Variants in SLC44A5 observed in about 807,000 individuals in gnomAD.
The protein encoded by SLC44A5 is solute carrier family 44 member 5.
SLC44A5 carries 57 observed loss-of-function variants against 101.8 expected under a neutral mutation model. The ratio of observed to expected loss-of-function variants is 0.56; its 90% CI spans 0.45 to 0.70. The LOEUF (loss-of-function observed/expected upper bound fraction) is 0.70, where lower values mean the gene tolerates loss of function less well. Ranked by LOEUF, SLC44A5 falls within the 30% of genes least tolerant of loss-of-function variation. SLC44A5 has a pLI of 0.00. For missense variants in SLC44A5, 737 were observed against 853.1 expected, an observed-to-expected ratio of 0.86 and a Z score of 1.70; for synonymous variants, 281 against 290.9, an observed-to-expected ratio of 0.97 and a Z score of 0.35.
At chr1:75,331,198 C>T (rs542258431) in intron 4 of SLC44A5, among the ~76,000 whole-genome samples, 1 of 152,158 alleles carries the variant, frequency 6.6e-6, no homozygotes, top group South Asian at 2.1e-4. Context: ...TCTTGATCAC[C>T]AGCCCTCATT....
chr1:75,339,555 C>T, intron 4 of SLC44A5, 27 bp downstream of exon 4: 2 of 1,588,498 alleles, frequency 1.3e-6, no homozygotes, highest in South Asian at 2.3e-5. Context: ...TTTAAAAAAG[C>T]ATATTCCCCA....
intron 2 of SLC44A5, among the ~76,000 whole-genome samples, chr1:75,517,451 TA>T (rs1009459308): frequency 2.7e-5 from 4 of 149,536 alleles, no homozygotes; most frequent in Admixed American, 1.3e-4. Context: ...CTTTATGACC[TA>T]AAAAAAAGGA....
the SLC44A5 span, among the ~76,000 whole-genome samples, chr1:75,618,080 A>G: frequency 6.6e-6 from 1 of 152,166 alleles, no homozygotes; most frequent in Admixed American, 6.5e-5. Flanking sequence ...TCTCTCCACA[A>G]CACTAGCTGC....
At chr1:75,685,833 A>T in the SLC44A5 span, among the ~76,000 whole-genome samples, 1 of 152,172 alleles carries the variant, frequency 6.6e-6, no homozygotes, top group Admixed American at 6.5e-5. Flanking sequence ...TTACTGTATT[A>T]GTCCATTCTC....
the SLC44A5 span, among the ~76,000 whole-genome samples, chr1:75,696,700 C>T: frequency 6.6e-6 from 1 of 151,854 alleles, no homozygotes; most frequent in Non-Finnish European, 1.5e-5. Context: ...TCGAGACCAT[C>T]CTGGCTAACA....
the SLC44A5 span, among the ~76,000 whole-genome samples, chr1:75,679,167 A>G: frequency 6.6e-6 from 1 of 152,222 alleles, no homozygotes; most frequent in East Asian, 1.9e-4. Flanking sequence ...GGGAGAACGG[A>G]ACCAAGTTGG....
chr1:75,395,472 A>G (rs1445266824), intron 3 of SLC44A5, among the ~76,000 whole-genome samples: 4 of 152,154 alleles, frequency 2.6e-5, no homozygotes, highest in African/African-American at 2.4e-5. Context: ...TCTACCTTAT[A>G]TGATCATATA....
intron 1 of SLC44A5, among the ~76,000 whole-genome samples, chr1:75,581,429 A>C (rs1218511435): frequency 6.6e-6 from 1 of 152,226 alleles, no homozygotes; most frequent in African/African-American, 2.4e-5. Context: ...ACTAGGTAAA[A>C]TATATAAAAA....
intron 1 of SLC44A5, among the ~76,000 whole-genome samples, chr1:75,574,703 A>T (rs539547947): frequency 1.3e-5 from 2 of 152,162 alleles, no homozygotes; most frequent in South Asian, 4.1e-4. Flanking sequence ...TCTCTCCTAT[A>T]TGTGATTCTG....
chr1:75,666,848 T>C, the SLC44A5 span, among the ~76,000 whole-genome samples: 9 of 152,250 alleles, frequency 5.9e-5, no homozygotes, highest in South Asian at 1.5e-3. Context: ...CATTATTATC[T>C]CAATAGATGC....
intron 5 of SLC44A5, among the ~76,000 whole-genome samples, chr1:75,286,367 C>A (rs755137041): frequency 3.7e-4 from 56 of 152,058 alleles, no homozygotes; most frequent in Non-Finnish European, 6.0e-4. Context: ...GAGTCCTTAT[C>A]TGTCAGGTGA....
intron 2 of SLC44A5, among the ~76,000 whole-genome samples, chr1:75,414,330 C>T (rs112933656): frequency 4.2e-5 from 6 of 143,366 alleles, no homozygotes; most frequent in African/African-American, 1.7e-4. Context: ...CACATACACA[C>T]ACACACACAC....
intron 3 of SLC44A5, among the ~76,000 whole-genome samples, chr1:75,371,970 G>C (rs1660254460): frequency 6.6e-6 from 1 of 152,186 alleles, no homozygotes; most frequent in Non-Finnish European, 1.5e-5. Context: ...GCCGAGGCGG[G>C]CAGATCACTT....
chr1:75,278,683 G>T (rs1464865861), intron 5 of SLC44A5, among the ~76,000 whole-genome samples: 1 of 152,126 alleles, frequency 6.6e-6, no homozygotes, highest in Non-Finnish European at 1.5e-5. Context: ...GTAGTCAAGT[G>T]CTTACACCTA....
At chr1:75,440,414 A>G (rs900950125) in intron 2 of SLC44A5, among the ~76,000 whole-genome samples, 1 of 152,080 alleles carries the variant, frequency 6.6e-6, no homozygotes, top group Admixed American at 6.6e-5. Flanking sequence ...TGGCTGAGGA[A>G]AAGCAAGAAT....
chr1:75,683,010 C>G, the SLC44A5 span, among the ~76,000 whole-genome samples: 1 of 152,064 alleles, frequency 6.6e-6, no homozygotes, highest in South Asian at 2.1e-4. Flanking sequence ...AAAAAATGCT[C>G]ACCATCACTG....
At chr1:75,204,335 T>G (rs1404590227) in intron 23 of SLC44A5, 2 of 152,212 alleles carry the variant, frequency 1.3e-5, no homozygotes, top group Non-Finnish European at 2.9e-5. Context: ...CTTCTAAATA[T>G]CTTCTCAAAA....
At chr1:75,278,879 A>G (rs184951048) in intron 5 of SLC44A5, among the ~76,000 whole-genome samples, 121 of 152,296 alleles carry the variant, frequency 7.9e-4, no homozygotes, top group Admixed American at 1.5e-3. Context: ...ACTTATTGCA[A>G]TCATGCAAAA....
intron 2 of SLC44A5, among the ~76,000 whole-genome samples, chr1:75,492,933 T>C (rs1668498985): frequency 6.6e-6 from 1 of 152,134 alleles, no homozygotes; most frequent in African/African-American, 2.4e-5. Context: ...GAACAAAAAC[T>C]TTTCCTTGGA....
Sources: allele counts gnomAD v4.1 joint callset (sites outside exome capture counted in the v4.1 genomes callset), GRCh38; gene constraint gnomAD v4.1.1; transcripts MANE v1.5; gene names NCBI Gene and HGNC (gene_info 2026-07-23, HGNC 2026-07-21).